Variants in COL4A1 observed in about 807,000 individuals in gnomAD.
The protein encoded by COL4A1 is collagen type IV alpha 1 chain, also known as collagen alpha-1(IV) chain.
Under a neutral mutation model 216.6 loss-of-function variants are expected in COL4A1, and 40 were observed. The ratio of observed to expected loss-of-function variants is 0.18; its 90% CI spans 0.14 to 0.24. The LOEUF (loss-of-function observed/expected upper bound fraction) is 0.24. COL4A1 is among the 10% of genes least tolerant of loss of function. The pLI is 1.00. For missense variants in COL4A1, 1,628 were observed against 2,196.8 expected, an observed-to-expected ratio of 0.74 and a Z score of 5.18; for synonymous variants, 839 against 810.7, an observed-to-expected ratio of 1.03 and a Z score of -0.59.
At chr13:110,170,809 GGGATGAGGCGTGCCTCATCCT>G (rs1200040625) in intron 41 of COL4A1, 77 bp from the exon 42 acceptor site, 2 of 1,505,848 alleles carry the variant, frequency 1.3e-6, no homozygotes, top group African/African-American at 2.7e-5. Context: ...CGGCAGAGAT[GGGATGAGGCGTGCCTCATCCT>G]GTAGGTACCG....
rs754528283 is a variant in COL4A1, at chr13:110,172,790, T to C, written c.3506-20A>G. On this transcript the variant is annotated intron_variant, in intron 40 of 51. Coordinates refer to ENST00000375820, the MANE Select transcript of COL4A1 (RefSeq NM_001845.6). ...GTAGACCTATAAGATGAGGGTAAAATGCCACGTTTCTCTTTACTTAAACAA... is the reference window on the plus strand; with the variant it reads ...GTAGACCTATAAGATGAGGGTAAAACGCCACGTTTCTCTTTACTTAAACAA... The C allele has an allele frequency of 3.1e-6, 5 of 1,611,452 alleles. No homozygotes were observed. The highest frequency in any genetic ancestry group is 1.3e-5 in the African/African-American group (1 of 75,010).
intron 2 of COL4A1, among the ~76,000 whole-genome samples, chr13:110,221,350 A>G (rs1391640989): frequency 1.3e-5 from 2 of 152,254 alleles, no homozygotes; most frequent in Non-Finnish European, 2.9e-5. Context: ...AATTAAAAAG[A>G]GTCCTTCAGA....
intron 47 of COL4A1, 30 bp downstream of exon 47, chr13:110,163,433 G>A: frequency 6.3e-7 from 1 of 1,597,966 alleles, no homozygotes; most frequent in South Asian, 1.1e-5. Flanking sequence ...CCTGGTCAAG[G>A]GTAATTACGT....
chr13:110,227,427 A>ACACACACACAC (rs1555308840), intron 2 of COL4A1, among the ~76,000 whole-genome samples: 8 of 130,516 alleles, frequency 6.1e-5, no homozygotes, highest in Non-Finnish European at 4.9e-5. Context: ...CACACACACA[A>ACACACACACAC]ACACACACAA....
intron 22 of COL4A1, among the ~76,000 whole-genome samples, chr13:110,194,050 C>T (rs1430388131): frequency 6.6e-6 from 1 of 152,168 alleles, no homozygotes; most frequent in Non-Finnish European, 1.5e-5. Context: ...CCTCTGGACG[C>T]TGGATCTGTC....
intron 20 of COL4A1, among the ~76,000 whole-genome samples, chr13:110,200,166 C>A (rs753815795): frequency 6.6e-6 from 1 of 152,244 alleles, no homozygotes; most frequent in African/African-American, 2.4e-5. Context: ...GGCACGTGAG[C>A]GTTTCCATCA....
chr13:110,261,778 T>G (rs1326314822), intron 1 of COL4A1, among the ~76,000 whole-genome samples: 1 of 152,190 alleles, frequency 6.6e-6, no homozygotes, highest in Non-Finnish European at 1.5e-5. Context: ...CATTGTCTCC[T>G]AAGGACACTC....
chr13:110,253,139 T>C (rs995471210), intron 1 of COL4A1, among the ~76,000 whole-genome samples: 2 of 140,824 alleles, frequency 1.4e-5, no homozygotes, highest in African/African-American at 5.2e-5. Context: ...TATATACATA[T>C]AACTATATGT....
chr13:110,293,787 A>G (rs991146167), intron 1 of COL4A1, among the ~76,000 whole-genome samples: 3 of 152,204 alleles, frequency 2.0e-5, no homozygotes, highest in Admixed American at 2.0e-4. Context: ...CCTTTCCCTT[A>G]TTAACAGCGT....
intron 1 of COL4A1, among the ~76,000 whole-genome samples, chr13:110,279,049 G>A (rs1477257018): frequency 6.6e-6 from 1 of 152,102 alleles, no homozygotes; most frequent in Non-Finnish European, 1.5e-5. Flanking sequence ...TTTGCCCGGG[G>A]TCTTCCAATT....
intron 2 of COL4A1, among the ~76,000 whole-genome samples, chr13:110,219,219 C>T (rs1250739198): frequency 3.9e-5 from 6 of 152,160 alleles, no homozygotes; most frequent in Non-Finnish European, 8.8e-5. Context: ...CCTAGAGGGT[C>T]TGCTTTGCCT....
intron 2 of COL4A1, among the ~76,000 whole-genome samples, chr13:110,235,837 T>C (rs1881294583): frequency 6.6e-6 from 1 of 152,122 alleles, no homozygotes; most frequent in African/African-American, 2.4e-5. Context: ...ACTCTGTCCT[T>C]GTATATTTTA....
Position 110,187,348 on chromosome 13 carries a change from G to C in COL4A1, c.1537-19C>G. 2.5e-6 allele frequency: 4 copies of C among 1,611,760 alleles called. No homozygotes were observed. Among genetic ancestry groups the C allele is most frequent in the Non-Finnish European group, 3.4e-6 (4 of 1,179,788 alleles). On this transcript the variant is annotated intron_variant, in intron 24 of 51. Transcript: ENST00000375820. ...GAGGGCCCTGTAAGAACAAAGCCTT[G>C]TGATCCACAGAAGAACCCATCCATG...
At chr13:110,156,878 C>CTG (rs879689726) in intron 49 of COL4A1, among the ~76,000 whole-genome samples, 7 of 151,744 alleles carry the variant, frequency 4.6e-5, no homozygotes, top group Admixed American at 6.6e-5. Context: ...GTGTGTCTGT[C>CTG]TGTGTGTGTG....
intron 47 of COL4A1, among the ~76,000 whole-genome samples, chr13:110,162,920 G>A (rs1877152972): frequency 6.6e-6 from 1 of 152,224 alleles, no homozygotes; most frequent in Non-Finnish European, 1.5e-5. Flanking sequence ...GGAGCAGTAA[G>A]GGACCTCGCA....
intron 1 of COL4A1, among the ~76,000 whole-genome samples, chr13:110,281,818 C>A (rs1399012880): frequency 6.6e-6 from 1 of 152,232 alleles, no homozygotes; most frequent in African/African-American, 2.4e-5. Flanking sequence ...ACTTACTCAA[C>A]CCATCTGTTT....
At chr13:110,261,036 C>CAAAAAAAAAAAAAAAAAAAAAAAACAAA (rs575253533) in intron 1 of COL4A1, among the ~76,000 whole-genome samples, 1 of 83,452 alleles carries the variant, frequency 1.2e-5, no homozygotes, top group African/African-American at 4.9e-5. Flanking sequence ...GACTCCGTCT[C>CAAAAAAAAAAAAAAAAAAAAAAAACAAA]AAAAAAAAAA....
intron 2 of COL4A1, among the ~76,000 whole-genome samples, chr13:110,241,523 G>A (rs554849009): frequency 3.4e-4 from 52 of 152,264 alleles, no homozygotes; most frequent in African/African-American, 1.1e-3. Flanking sequence ...AAACACTTGC[G>A]TCTACTTTAA....
chr13:110,248,123 T>C (rs1881911249), intron 1 of COL4A1, among the ~76,000 whole-genome samples: 3 of 152,286 alleles, frequency 2.0e-5, no homozygotes, highest in South Asian at 4.1e-4. Context: ...TGTGCAAAAA[T>C]GTCAAAATAC....
Sources: allele counts gnomAD v4.1 joint callset (sites outside exome capture counted in the v4.1 genomes callset), GRCh38; gene constraint gnomAD v4.1.1; transcripts MANE v1.5; gene names NCBI Gene and HGNC (gene_info 2026-07-23, HGNC 2026-07-21).